The following AKAP8L variants were observed in gnomAD, a reference collection of about 807,000 sequenced individuals.
AKAP8L encodes the protein A-kinase anchor protein 8-like.
Under a neutral mutation model 77.5 loss-of-function variants are expected in AKAP8L, and 34 were observed. The ratio of observed to expected loss-of-function variants is 0.44; its 90% CI spans 0.33 to 0.58. The LOEUF (loss-of-function observed/expected upper bound fraction) is 0.58. Ranked by LOEUF, AKAP8L falls within the 20% of genes least tolerant of loss-of-function variation. AKAP8L has a pLI of 0.02. For synonymous variants in AKAP8L, 342 were observed against 340.7 expected, an observed-to-expected ratio of 1.00 and a Z score of -0.04; for missense variants, 806 against 887.6, an observed-to-expected ratio of 0.91 and a Z score of 1.17.
rs1321017562 is a variant in AKAP8L, at chr19:15,400,802, A to G, written c.976T>C (p.Ser326Pro). 1 of 1,613,960 alleles carries G rather than the reference A, an allele frequency of 6.2e-7. No homozygotes were observed. Among genetic ancestry groups the G allele is most frequent in the South Asian group, 1.1e-5 (1 of 91,082 alleles). The change falls in exon 7 of 14, where the codon TCC becomes CCC. Residue 326 changes from serine (S) to proline (P), a missense_variant. Physicochemically the swap from Ser to Pro is moderately conservative, Grantham distance 74. Transcript: ENST00000397410. ...CAGCCAGAGCCACTTACCACTCTGG[A>G]GCCCTTCTCCACAGCCTCGGTGCCT... The part of the protein sequence containing the change: ...LEGTEAVEKG[S>P]RVDGEDEEGK...
At chr19:15,406,400 A>AGAGAGAGAGG (rs1183555648) in intron 2 of AKAP8L, among the ~76,000 whole-genome samples, 3 of 146,398 alleles carry the variant, frequency 2.0e-5, no homozygotes, top group African/African-American at 7.5e-5. Flanking sequence ...AGAGAGAGAG[A>AGAGAGAGAGG]GAGATCCTTA....
chr19:15,385,937 G>C, intron 12 of AKAP8L, among the ~76,000 whole-genome samples: 1 of 146,968 alleles, frequency 6.8e-6, no homozygotes. Context: ...TTTTTGAGGA[G>C]TCTCACTCTG....
At chr19:15,389,456 G>C (rs1219274280) in intron 12 of AKAP8L, among the ~76,000 whole-genome samples, 3 of 151,968 alleles carry the variant, frequency 2.0e-5, no homozygotes. Flanking sequence ...TTGGAAGGTT[G>C]ATGAAACCTG....
chr19:15,415,416 C>T (rs186759545), intron 1 of AKAP8L, among the ~76,000 whole-genome samples: 5 of 152,254 alleles, frequency 3.3e-5, no homozygotes, highest in Admixed American at 1.3e-4. Flanking sequence ...ACCTGGGCAA[C>T]ATAGTGAGAC....
intron 1 of AKAP8L, among the ~76,000 whole-genome samples, chr19:15,414,154 TC>T (rs1968158900): frequency 6.6e-6 from 1 of 151,176 alleles, no homozygotes; most frequent in South Asian, 2.1e-4. Flanking sequence ...AACCTCCACT[TC>T]CCAGGCTCAA....
rs1268075266 is a variant in AKAP8L, at chr19:15,380,245, CGGCGGCGGT to C, written c.1809_1817del (p.Pro606_Pro608del). 4.7e-6 allele frequency: 7 copies of C among 1,498,692 alleles called. No homozygotes were observed. Among genetic ancestry groups the C allele is most frequent in the Non-Finnish European group, 5.3e-6 (6 of 1,134,220 alleles). 92.8% of individuals were successfully genotyped at this position (1,498,692 alleles called of 1,614,324 possible). ...CGCCCTCCTCCTCCTCCTCTGGGGG[CGGCGGCGGT>C]GGCGGCGACACGGCCCCGGGGGCTG... On this transcript the variant is annotated inframe_deletion, in exon 14 of 14. Coordinates refer to ENST00000397410, the MANE Select transcript of AKAP8L (RefSeq NM_014371.4).
intron 12 of AKAP8L, among the ~76,000 whole-genome samples, chr19:15,387,820 G>A (rs928121853): frequency 6.6e-6 from 1 of 152,118 alleles, no homozygotes; most frequent in Non-Finnish European, 1.5e-5. Flanking sequence ...TTAGCCGGGC[G>A]TGGTAGCACA....
rs1292942387 is a variant in AKAP8L, at chr19:15,403,396, CT to C, written c.362+78del. On this transcript the variant is annotated intron_variant, in intron 4 of 13. Transcript: ENST00000397410. The surrounding 1 kb of genome is among the most constrained non-coding windows in gnomAD (Gnocchi z 4.3). Reference sequence around the variant, plus strand: ...GGGAGGAAGCAGACACAGAGGGGCACTCAGAGAGGAAAACGCAGTGGGCAGC... The same window carrying C: ...GGGAGGAAGCAGACACAGAGGGGCACCAGAGAGGAAAACGCAGTGGGCAGC... 4 of 1,395,444 alleles carry C rather than the reference CT, an allele frequency of 2.9e-6. No individual in the cohort carries two copies. The highest frequency in any genetic ancestry group is 4.0e-6 in the Non-Finnish European group (4 of 990,920). The allele number at this position is 1,395,444 out of a possible 1,614,324, so 86.4% of individuals were successfully genotyped here.
chr19:15,398,908 G>C lies in AKAP8L; in HGVS notation c.1157+394C>G. The stretch of plus-strand genomic sequence containing the variant: ...TGCTGCCATCTCTCCTGGGCACGGC[G>C]GTGGCCTCTTGGCAGCTAGCTGGGG... On this transcript the variant is annotated intron_variant, in intron 9 of 13. Transcript: ENST00000397410. The surrounding 1 kb of genome is among the most constrained non-coding windows in gnomAD (Gnocchi z 9.2). The C allele has an allele frequency of 2.8e-6, 2 of 709,944 alleles. No homozygotes were observed. The highest frequency in any genetic ancestry group is 3.7e-6 in the Non-Finnish European group (2 of 544,108). The allele number at this position is 709,944 out of a possible 1,614,324, so 44.0% of individuals were successfully genotyped here.
rs1256456596 is a variant in AKAP8L at position 15,397,169 on chromosome 19, T to C, written c.1517A>G (p.Asp506Gly). 26 of 1,613,922 alleles carry C rather than the reference T, an allele frequency of 1.6e-5. No homozygotes were observed. Among genetic ancestry groups the C allele is most frequent in the Non-Finnish European group, 2.2e-5 (26 of 1,179,880 alleles). Residue 506 changes from aspartate (D) to glycine (G), a missense_variant, in exon 12 of 14, where the codon GAT (aspartate) becomes GGT (glycine). Physicochemically the swap from Asp to Gly is moderately conservative, Grantham distance 94. Coordinates refer to ENST00000397410, the MANE Select transcript of AKAP8L (RefSeq NM_014371.4). This position sits in a 1 kb window ranked among gnomAD's most constrained non-coding sequence, Gnocchi z 4.7. ...ACTCACCCTGCGGTTCCGGTTGTGA[T>C]CCATGGTCTTCAGATGCTTCTGGAT... Reference protein sequence around the residue: ...GIIQKHLKTMDHNRNRRLMME... With the variant: ...GIIQKHLKTMGHNRNRRLMME...
intron 12 of AKAP8L, among the ~76,000 whole-genome samples, chr19:15,382,588 T>C (rs183431640): frequency 1.7e-3 from 264 of 152,344 alleles, no homozygotes; most frequent in African/African-American, 5.9e-3. Context: ...ATTTGCATTA[T>C]ACTTACCAGT....
intron 12 of AKAP8L, among the ~76,000 whole-genome samples, chr19:15,389,802 G>A (rs868818294): frequency 6.6e-5 from 10 of 152,058 alleles, no homozygotes; most frequent in African/African-American, 1.2e-4. Flanking sequence ...CAAACTCCAC[G>A]TAGAATAAAC....
At chr19:15,394,543 C>A (rs1236117527) in intron 12 of AKAP8L, among the ~76,000 whole-genome samples, 1 of 150,132 alleles carries the variant, frequency 6.7e-6, no homozygotes, top group Non-Finnish European at 1.5e-5. Flanking sequence ...TTTTTTTTTT[C>A]ATTTGTTTGG....
chr19:15,393,699 T>C (rs911043874), intron 12 of AKAP8L, among the ~76,000 whole-genome samples: 2 of 152,074 alleles, frequency 1.3e-5, no homozygotes, highest in African/African-American at 4.8e-5. Flanking sequence ...GACAGGGGGA[T>C]CACCTGAGGT....
chr19:15,414,081 T>TG (rs1315242320), intron 1 of AKAP8L, among the ~76,000 whole-genome samples: 6 of 148,672 alleles, frequency 4.0e-5, no homozygotes, highest in African/African-American at 1.2e-4. Context: ...TTTTTTTTTT[T>TG]GAGACGGAGT....
At chr19:15,381,693 A>G (rs1967421762) in intron 12 of AKAP8L, among the ~76,000 whole-genome samples, 1 of 152,098 alleles carries the variant, frequency 6.6e-6, no homozygotes, top group African/African-American at 2.4e-5. Context: ...TGCTCACAAT[A>G]AACTAAAGAT....
At position 15,404,002 on chromosome 19, in the gene AKAP8L, A is replaced by C; in HGVS notation, c.121+8T>G. On this transcript the variant is annotated splice_region_variant and intron_variant, in intron 3 of 13. Coordinates refer to ENST00000397410, the MANE Select transcript of AKAP8L (RefSeq NM_014371.4). ...GGACAGGACAGCAATCACAGGAATG[A>C]CACTTGCCTCTATTTGTCCCAGAGT... 1.2e-5 allele frequency: 19 copies of C among 1,613,862 alleles called. No individual in the cohort carries two copies. Among genetic ancestry groups the C allele is most frequent in the East Asian group, 2.2e-5 (1 of 44,886 alleles).
intron 12 of AKAP8L, among the ~76,000 whole-genome samples, chr19:15,385,256 C>T (rs1294667376): frequency 6.6e-6 from 1 of 151,564 alleles, no homozygotes; most frequent in Non-Finnish European, 1.5e-5. Context: ...GGACTACAGG[C>T]GTGAGCCACC....
chr19:15,391,949 C>T (rs1967671993), intron 12 of AKAP8L, among the ~76,000 whole-genome samples: 1 of 152,176 alleles, frequency 6.6e-6, no homozygotes, highest in South Asian at 2.1e-4. Flanking sequence ...CATCCTCTTA[C>T]CTCAGCCTCC....
Sources: gnomAD v4.1 joint callset for allele counts (sites outside exome capture counted in the v4.1 genomes callset) on GRCh38, gnomAD v4.1.1 for gene constraint, Gnocchi (gnomAD v3.1) non-coding constraint, MANE v1.5 for transcripts, NCBI Gene and HGNC (gene_info 2026-07-23, HGNC 2026-07-21) for gene names.